RUNX3: variants seen among roughly 807,000 people sequenced by gnomAD.
The protein encoded by RUNX3 is runt-related transcription factor 3.
RUNX3 carries 10 observed loss-of-function variants against 27.7 expected under a neutral mutation model. That is an observed-to-expected ratio of 0.36 (90% confidence interval 0.22 to 0.61). RUNX3 has a LOEUF of 0.61. Among genes scored for constraint, RUNX3 ranks in the 20% least tolerant of loss-of-function variants. The probability of loss-of-function intolerance (pLI) is 0.72; values close to 1 mark genes in which losing one functional copy is unlikely to be tolerated. For missense variants in RUNX3, 469 were observed against 629.5 expected (o/e 0.75, Z 2.73); for synonymous variants, 270 against 269.2 (o/e 1.00, Z -0.03).
rs1641190652 is a variant in RUNX3, at chr1:24,930,174, G to A, written c.-306C>T. The A allele has an allele frequency of 6.2e-6, 6 of 966,346 alleles. No individual in the cohort carries two copies. In the South Asian group the frequency reaches 1.4e-4, roughly 23 times the overall value. The allele number at this position is 966,346 out of a possible 1,614,324, so 59.9% of individuals were successfully genotyped here. ...CTGCCTGGGCCGCGGCGGGGCCCGC[G>A]CGGGGCTGTGCCGCTGCCGCCGCCT... is the stretch of plus-strand genomic sequence containing the variant. On this transcript the variant is annotated 5_prime_UTR_variant, in exon 1 of 5. Transcript: ENST00000308873. This position sits in a 1 kb window ranked among gnomAD's most constrained non-coding sequence, Gnocchi z 4.1.
chr1:24,911,493 C>T (rs1011093285), intron 3 of RUNX3, among the ~76,000 whole-genome samples: 6 of 152,334 alleles, frequency 3.9e-5, no homozygotes, highest in African/African-American at 1.4e-4. Context: ...GTGTCCCCAT[C>T]ACACTGTCTT....
At chr1:24,941,572 T>TCAG (rs1381451530) in intron 2 of RUNX3, among the ~76,000 whole-genome samples, 1 of 152,166 alleles carries the variant, frequency 6.6e-6, no homozygotes, top group Non-Finnish European at 1.5e-5. Flanking sequence ...GCCTTGAACC[T>TCAG]CAGCAGCCTG....
rs1036748703 is a variant in RUNX3 at position 24,927,048 on chromosome 1, T to C, written c.439+526A>G. Among the ~76,000 whole-genome samples the C allele has an allele frequency of 1.4e-4, 21 of 151,928 alleles. No individual in the cohort carries two copies. Among genetic ancestry groups the C allele is most frequent in the African/African-American group, 5.1e-4 (21 of 41,382 alleles). On this transcript the variant is annotated intron_variant, in intron 2 of 4. Coordinates refer to ENST00000308873, the MANE Select transcript of RUNX3 (RefSeq NM_004350.3). This position sits in a 1 kb window ranked among gnomAD's most constrained non-coding sequence, Gnocchi z 5.0. ...CGAGCTGTGCTTTCCAACATTCAGCTGCGTTAGCTTCCGTTCTAGACCACC... is the reference window on the plus strand; with the variant it reads ...CGAGCTGTGCTTTCCAACATTCAGCCGCGTTAGCTTCCGTTCTAGACCACC...
intron 2 of RUNX3, among the ~76,000 whole-genome samples, chr1:24,955,680 G>A (rs1016425634): frequency 2.4e-4 from 37 of 152,158 alleles, no homozygotes; most frequent in African/African-American, 7.2e-4. Context: ...CCTGGCTGTC[G>A]GGGTTCAGGC....
chr1:24,903,453 A>G (rs1486349148), intron 4 of RUNX3, among the ~76,000 whole-genome samples: 3 of 152,214 alleles, frequency 2.0e-5, no homozygotes, highest in South Asian at 2.1e-4. Flanking sequence ...CCCAGACCCC[A>G]ACCTGGTCAC....
At chr1:24,936,703 C>G (rs989616048) in intron 2 of RUNX3, among the ~76,000 whole-genome samples, 4 of 152,232 alleles carry the variant, frequency 2.6e-5, no homozygotes, top group Admixed American at 1.3e-4. Flanking sequence ...CACTGCCCAC[C>G]CAGCAGCTTC....
chr1:24,936,484 A>G (rs1181364369), intron 2 of RUNX3, among the ~76,000 whole-genome samples: 1 of 152,248 alleles, frequency 6.6e-6, no homozygotes, highest in African/African-American at 2.4e-5. Flanking sequence ...AACTGTGGGC[A>G]GGATTCGGAA....
At chr1:24,944,570 G>A (rs1641558514) in intron 2 of RUNX3, among the ~76,000 whole-genome samples, 1 of 152,188 alleles carries the variant, frequency 6.6e-6, no homozygotes. Context: ...AGATTATCCT[G>A]GATTCCCCAG....
intron 2 of RUNX3, among the ~76,000 whole-genome samples, chr1:24,925,504 A>G (rs1641081309): frequency 6.6e-6 from 1 of 152,218 alleles, no homozygotes; most frequent in Non-Finnish European, 1.5e-5. Context: ...CTCATGAGGT[A>G]GGTACCATTA....
In RUNX3 at chr1:24,927,797, AGGG is replaced by A; in HGVS notation, c.283-70_283-68del. ...AAGGAAGAGGGTGACCAGGGAAAGG[AGGG>A]GAGGGGCTGGGCTGGGCAGCTCCCC... On this transcript the variant is annotated intron_variant, in intron 1 of 4. Transcript: ENST00000308873. This position sits in a 1 kb window ranked among gnomAD's most constrained non-coding sequence, Gnocchi z 5.0. The A allele has an allele frequency of 1.8e-6, 2 of 1,136,650 alleles. No individual in the cohort carries two copies. Among genetic ancestry groups the A allele is most frequent in the Non-Finnish European group, 2.6e-6 (2 of 773,832 alleles). 70.4% of individuals were successfully genotyped at this position (1,136,650 alleles called of 1,614,324 possible).
At chr1:24,910,538 A>C (rs1640777726) in intron 3 of RUNX3, among the ~76,000 whole-genome samples, 1 of 152,212 alleles carries the variant, frequency 6.6e-6, no homozygotes, top group Non-Finnish European at 1.5e-5. Context: ...GAGGCCTCGC[A>C]TGGGCCTGAT....
At chr1:24,953,401 T>TAA (rs1641826399) in intron 2 of RUNX3, among the ~76,000 whole-genome samples, 1 of 64,318 alleles carries the variant, frequency 1.6e-5, no homozygotes, top group African/African-American at 6.6e-5. Context: ...AAAAGAAAAA[T>TAA]GAAAAAAAAA....
intron 2 of RUNX3, among the ~76,000 whole-genome samples, chr1:24,953,222 A>G (rs1007434085): frequency 2.6e-5 from 4 of 151,968 alleles, no homozygotes; most frequent in African/African-American, 9.7e-5. Context: ...AAAATTAGCC[A>G]GGCGTAGTGG....
rs1006732709 is a variant in RUNX3, at chr1:24,943,266, G to T, written c.59-13414C>A. ...GCTTTGGGAGCATGCTGGCAGCAGG[G>T]TGGAGGGGGGTGTCTGGAGACTCAG... On this transcript the variant is annotated intron_variant, in intron 2 of 6. Coordinates refer to the RUNX3 transcript ENST00000338888. This position sits in a 1 kb window ranked among gnomAD's most constrained non-coding sequence, Gnocchi z 4.6. Among the ~76,000 whole-genome samples, 1 of 152,242 alleles carries T rather than the reference G, an allele frequency of 6.6e-6. No individual in the cohort carries two copies. Among genetic ancestry groups the T allele is most frequent in the Non-Finnish European group, 1.5e-5 (1 of 68,036 alleles).
At position 24,923,859 on chromosome 1, in the gene RUNX3, C is replaced by G. The variant is rs144114262; in HGVS notation, c.439+3715G>C. The stretch of plus-strand genomic sequence containing the variant: ...GCTTTTTAACCAGTTGATCACAGCT[C>G]GAGAGCTCATGTGCTTTTCATTTTC... On this transcript the variant is annotated intron_variant, in intron 2 of 4. Transcript: ENST00000308873. This position sits in a 1 kb window ranked among gnomAD's most constrained non-coding sequence, Gnocchi z 5.9. Among the ~76,000 whole-genome samples, 1 of 152,176 alleles carries G rather than the reference C, an allele frequency of 6.6e-6. No individual in the cohort carries two copies. Among genetic ancestry groups the G allele is most frequent in the Non-Finnish European group, 1.5e-5 (1 of 68,042 alleles).
In RUNX3 at chr1:24,919,240, G is replaced by T; in HGVS notation, c.544C>A (p.Arg182=). Residue 182 remains arginine (R), a splice_region_variant and synonymous_variant, in exon 3 of 5, where the codon CGG becomes AGG. Coordinates refer to ENST00000308873, the MANE Select transcript of RUNX3 (RefSeq NM_004350.3). ...GCTCAGGGGGCTCGGTGGCACTTAC[G>T]TCTGGGCTCCCGGGGTCCGTCCACG... ...VTVDGPREPR[R]HRQKLEDQTK... The T allele has an allele frequency of 1.3e-6, 2 of 1,590,184 alleles. No individual in the cohort carries two copies. The highest frequency in any genetic ancestry group is 8.6e-7 in the Non-Finnish European group (1 of 1,168,572).
chr1:24,940,090 C>T (rs1241013742), intron 2 of RUNX3, among the ~76,000 whole-genome samples: 4 of 152,214 alleles, frequency 2.6e-5, no homozygotes, highest in Non-Finnish European at 5.9e-5. Context: ...AAGAGCTCCT[C>T]TGGCAGATCT....
chr1:24,932,192 G>GGGTT (rs1011021780), upstream of RUNX3, among the ~76,000 whole-genome samples: 2 of 152,232 alleles, frequency 1.3e-5, no homozygotes, highest in African/African-American at 4.8e-5. Flanking sequence ...CGCTTACGAT[G>GGGTT]GGTTCACAGA....
rs536466602 is a variant in RUNX3 at position 24,936,687 on chromosome 1, T to C, written c.59-6835A>G. On this transcript the variant is annotated intron_variant, in intron 2 of 6. Transcript: ENST00000338888. ...CACCTTCCTCTCTCGCAGGCCCTCC[T>C]CTCCCCACTGCCCACCCAGCAGCTT... Among the ~76,000 whole-genome samples the C allele has an allele frequency of 5.9e-5, 9 of 152,174 alleles. No homozygotes were observed. In the South Asian group the frequency reaches 1.9e-3, roughly 32 times the overall value.
Sources: gnomAD v4.1 joint callset for allele counts (sites outside exome capture counted in the v4.1 genomes callset) on GRCh38, gnomAD v4.1.1 for gene constraint, Gnocchi (gnomAD v3.1) non-coding constraint, MANE v1.5 for transcripts, NCBI Gene and HGNC (gene_info 2026-07-23, HGNC 2026-07-21) for gene names.